The following SPATA6 variants were observed in gnomAD, a reference collection of about 807,000 sequenced individuals.
SPATA6 encodes the protein spermatogenesis associated 6.
Under a neutral mutation model 65.3 loss-of-function variants are expected in SPATA6, and 56 were observed. The ratio of observed to expected loss-of-function variants is 0.86; its 90% confidence interval spans 0.69 to 1.07. SPATA6 has a LOEUF of 1.07. Among genes scored for constraint, SPATA6 ranks in the 50% least tolerant of loss-of-function variants. The pLI, the probability that SPATA6 is intolerant of heterozygous loss-of-function variation, is 0.00. For synonymous variants in SPATA6, 199 were observed against 213.2 expected, an observed-to-expected ratio of 0.93 and a Z score of 0.58; for missense variants, 590 against 594.8, an observed-to-expected ratio of 0.99 and a Z score of 0.08.
At chr1:48,273,515 G>A in the SPATA6 span, among the ~76,000 whole-genome samples, 14 of 152,082 alleles carry the variant, frequency 9.2e-5, no homozygotes, top group East Asian at 3.9e-4. Context: ...AACAGGCCCC[G>A]GTGGTGTGAT....
At chr1:48,347,476 T>C (rs1021413184) in intron 11 of SPATA6, among the ~76,000 whole-genome samples, 2 of 146,532 alleles carry the variant, frequency 1.4e-5, no homozygotes, top group Admixed American at 6.9e-5. Context: ...ATATAATATA[T>C]ATATTATTAA....
At chr1:48,401,477 C>T (rs1286638677) in intron 6 of SPATA6, among the ~76,000 whole-genome samples, 1 of 152,036 alleles carries the variant, frequency 6.6e-6, no homozygotes, top group African/African-American at 2.4e-5. Flanking sequence ...CTGTGTTATA[C>T]CATTTATAAA....
the SPATA6 span, among the ~76,000 whole-genome samples, chr1:48,279,522 G>A: frequency 2.0e-5 from 3 of 151,932 alleles, no homozygotes; most frequent in Admixed American, 1.3e-4. Flanking sequence ...AAAAGGCAGG[G>A]GTTGCAATCC....
At chr1:48,427,322 T>A (rs995474810) in intron 3 of SPATA6, among the ~76,000 whole-genome samples, 1 of 150,396 alleles carries the variant, frequency 6.6e-6, no homozygotes, top group Non-Finnish European at 1.5e-5. Context: ...AAAATGAGAA[T>A]ATTTTAATCA....
intron 3 of SPATA6, among the ~76,000 whole-genome samples, chr1:48,447,444 G>A (rs1193554032): frequency 4.6e-5 from 7 of 152,142 alleles, no homozygotes; most frequent in African/African-American, 1.4e-4. Context: ...ACTTGAACCT[G>A]AGAGATGGAG....
At chr1:48,378,496 A>G (rs1648181543) in intron 9 of SPATA6, among the ~76,000 whole-genome samples, 1 of 152,212 alleles carries the variant, frequency 6.6e-6, no homozygotes, top group Non-Finnish European at 1.5e-5. Context: ...GGGAAGAAAA[A>G]GAGGTTTAAT....
intron 12 of SPATA6, 64 bp from the exon 13 acceptor site, chr1:48,298,957 A>C: frequency 6.7e-7 from 1 of 1,491,296 alleles, no homozygotes. Context: ...AGTACTATGT[A>C]AATCAAATAT....
At chr1:48,281,455 C>T in the SPATA6 span, among the ~76,000 whole-genome samples, 1 of 152,170 alleles carries the variant, frequency 6.6e-6, no homozygotes, top group African/African-American at 2.4e-5. Context: ...AGCCCAAAAT[C>T]TCCTTAAGCT....
rs116844069 is a variant in SPATA6, at chr1:48,341,436, C to G, written c.1194+14234G>C. 2.6e-4 allele frequency among the ~76,000 whole-genome samples: 39 copies of G among 152,180 alleles called. No individual in the cohort carries two copies. The East Asian group carries it at 7.5e-3, about 29-fold the overall frequency. Reference sequence around the variant, plus strand: ...TGAATCATCCTTTTGTCCAGCATACCCACGCCGTATACACTACTTGCCTAT... The same window carrying G: ...TGAATCATCCTTTTGTCCAGCATACGCACGCCGTATACACTACTTGCCTAT... On this transcript the variant is annotated intron_variant, in intron 11 of 12. Coordinates refer to ENST00000371847, the MANE Select transcript of SPATA6 (RefSeq NM_019073.4).
chr1:48,263,747 T>C, the SPATA6 span, among the ~76,000 whole-genome samples: 3,390 of 152,324 alleles, frequency 0.022, 124 homozygotes, highest in African/African-American at 0.076. Context: ...TATCTCTTAC[T>C]ATGATCTTTT....
chr1:48,375,628 T>C (rs1647802204), intron 9 of SPATA6, among the ~76,000 whole-genome samples: 1 of 152,138 alleles, frequency 6.6e-6, no homozygotes, highest in Admixed American at 6.6e-5. Flanking sequence ...AGTCTTCAAT[T>C]TGAAATAAGC....
intron 9 of SPATA6, 65 bp downstream of exon 9, chr1:48,385,244 G>A: frequency 7.2e-7 from 1 of 1,392,052 alleles, no homozygotes; most frequent in Non-Finnish European, 9.8e-7. Flanking sequence ...ACATATATAT[G>A]AAATAGACTC....
At chr1:48,367,120 T>G (rs1409127309) in intron 9 of SPATA6, among the ~76,000 whole-genome samples, 2 of 152,216 alleles carry the variant, frequency 1.3e-5, no homozygotes, top group African/African-American at 4.8e-5. Context: ...GTGAGTTTCT[T>G]AATCCTGAGT....
At position 48,305,986 on chromosome 1, in the gene SPATA6, A is replaced by G. The variant is rs72891530; in HGVS notation, c.1195-108T>C. 4,254 of 766,554 alleles carry G rather than the reference A, an allele frequency of 5.5e-3. 103 individuals carry two copies. In the African/African-American group the frequency reaches 0.067, roughly 12 times the overall value. The allele number at this position is 766,554 out of a possible 1,614,324, so 47.5% of individuals were successfully genotyped here. ...CCCCTCCCTTTATAAATTTTAATTCATAAGAAAGGGAATTAAATGCTAGTG... is the reference window on the plus strand; with the variant it reads ...CCCCTCCCTTTATAAATTTTAATTCGTAAGAAAGGGAATTAAATGCTAGTG... On this transcript the variant is annotated intron_variant, in intron 11 of 12. Coordinates refer to ENST00000371847, the MANE Select transcript of SPATA6 (RefSeq NM_019073.4).
At chr1:48,418,430 G>A (rs1652983876) in intron 3 of SPATA6, among the ~76,000 whole-genome samples, 1 of 150,928 alleles carries the variant, frequency 6.6e-6, no homozygotes, top group Admixed American at 6.6e-5. Flanking sequence ...ATGAATTTCT[G>A]GGCATGGTAG....
At chr1:48,265,832 C>T in the SPATA6 span, among the ~76,000 whole-genome samples, 1 of 152,154 alleles carries the variant, frequency 6.6e-6, no homozygotes, top group Admixed American at 6.5e-5. Flanking sequence ...AATCAAAAGC[C>T]TCATCAGCTT....
intron 7 of SPATA6, among the ~76,000 whole-genome samples, chr1:48,395,581 G>A (rs1467316649): frequency 6.6e-6 from 1 of 151,736 alleles, no homozygotes; most frequent in Non-Finnish European, 1.5e-5. Context: ...CTATATATAT[G>A]TGCCTACTTT....
At chr1:48,356,290 T>A (rs1046067980) in intron 10 of SPATA6, among the ~76,000 whole-genome samples, 1 of 151,978 alleles carries the variant, frequency 6.6e-6, no homozygotes, top group South Asian at 2.1e-4. Context: ...GGGTTGAAAT[T>A]AAAGATATGA....
chr1:48,375,754 G>A (rs1647817194), intron 9 of SPATA6, among the ~76,000 whole-genome samples: 1 of 151,992 alleles, frequency 6.6e-6, no homozygotes, highest in Non-Finnish European at 1.5e-5. Flanking sequence ...TTATATTCAA[G>A]CTTCCTACAT....
Sources: gnomAD v4.1 joint callset for allele counts (sites outside exome capture counted in the v4.1 genomes callset) on GRCh38, gnomAD v4.1.1 for gene constraint, MANE v1.5 for transcripts, NCBI Gene and HGNC (gene_info 2026-07-23, HGNC 2026-07-21) for gene names.